Variants in KCNIP2 observed in about 807,000 individuals in gnomAD.
KCNIP2 encodes A-type potassium channel modulatory protein KCNIP2.
In KCNIP2, 19 loss-of-function variants were observed where a neutral mutation model predicts 39.0. That is an observed-to-expected ratio of 0.49 (90% CI 0.34 to 0.71). KCNIP2 has a LOEUF of 0.71. KCNIP2 is among the 30% of genes least tolerant of loss of function. KCNIP2 has a pLI of 0.01. For synonymous variants in KCNIP2, 111 were observed against 131.2 expected (o/e 0.85, Z 1.05); for missense variants, 261 against 346.0 (o/e 0.75, Z 1.95).
intron 1 of KCNIP2, among the ~76,000 whole-genome samples, chr10:101,840,060 G>T (rs1019729813): frequency 2.7e-5 from 4 of 149,224 alleles, no homozygotes; most frequent in Non-Finnish European, 6.0e-5. Context: ...TCCTGGACGG[G>T]GGGGGGGGGT....
chr10:101,827,657 G>A (rs773791083), intron 9 of KCNIP2, 32 bp downstream of exon 9: 8 of 1,612,556 alleles, frequency 5.0e-6, no homozygotes, highest in African/African-American at 2.7e-5. Flanking sequence ...CTGAGTCCAG[G>A]TCAGGGTAAT....
intron 1 of KCNIP2, among the ~76,000 whole-genome samples, chr10:101,840,178 G>A (rs572745533): frequency 2.2e-4 from 34 of 152,212 alleles, no homozygotes; most frequent in Non-Finnish European, 3.2e-4. Flanking sequence ...GCTGGATGGG[G>A]AATGAACCGT....
At chr10:101,831,203 C>G in intron 1 of KCNIP2, 36 bp from the exon 2 acceptor site, 3 of 1,446,926 alleles carry the variant, frequency 2.1e-6, no homozygotes, top group Non-Finnish European at 2.8e-6. Flanking sequence ...GGCACATTAA[C>G]TCCCATTGTC....
intron 2 of KCNIP2, 75 bp downstream of exon 2, chr10:101,830,997 A>ACGCGCACACACTCATGCACAGACACG: frequency 7.7e-7 from 1 of 1,306,368 alleles, no homozygotes. Flanking sequence ...CCTGGGGCAC[A>ACGCGCACACACTCATGCACAGACACG]CGCGCACACA....
intron 1 of KCNIP2, among the ~76,000 whole-genome samples, chr10:101,840,171 G>C (rs1233047254): frequency 2.0e-5 from 3 of 152,072 alleles, no homozygotes. Flanking sequence ...GAAAAGAGCT[G>C]GATGGGGAAT....
chr10:101,839,892 T>C (rs2066273463), intron 1 of KCNIP2: 2 of 1,519,384 alleles, frequency 1.3e-6, no homozygotes, highest in South Asian at 1.3e-5. Flanking sequence ...CCCGGGGCGG[T>C]CCGGTCTCCG....
At chr10:101,842,242 C>T (rs2066357330) in intron 1 of KCNIP2, among the ~76,000 whole-genome samples, 2 of 152,222 alleles carry the variant, frequency 1.3e-5, no homozygotes, top group African/African-American at 2.4e-5. Context: ...GACACAAACA[C>T]ATACATGGAA....
In KCNIP2 at chr10:101,829,204, G is replaced by A. The variant is rs1256494428; in HGVS notation, c.224-5C>T. 1.2e-6 allele frequency: 2 copies of A among 1,610,854 alleles called. No homozygotes were observed. Among genetic ancestry groups the A allele is most frequent in the Non-Finnish European group, 1.7e-6 (2 of 1,178,310 alleles). On this transcript the variant is annotated splice_region_variant and splice_polypyrimidine_tract_variant and intron_variant, in intron 3 of 9. Coordinates refer to ENST00000356640, the MANE Select transcript of KCNIP2 (RefSeq NM_173191.3). The stretch of plus-strand genomic sequence containing the variant: ...CAAATTCATCGTCCACGCTGTCTGC[G>A]GGAGCGGTGAGGACAGCCGCGCCTC...
intron 1 of KCNIP2, among the ~76,000 whole-genome samples, chr10:101,840,834 C>T (rs1479907696): frequency 1.3e-5 from 2 of 152,166 alleles, no homozygotes; most frequent in Non-Finnish European, 2.9e-5. Context: ...TGGCTCCTCG[C>T]AGCCACACGG....
At chr10:101,832,296 CTGTGTGTGTGTGTGTGTGTGTGTG>C (rs57005983) in intron 1 of KCNIP2, among the ~76,000 whole-genome samples, 2 of 139,976 alleles carry the variant, frequency 1.4e-5, no homozygotes, top group African/African-American at 2.7e-5. Context: ...CTCAGTGTTA[CTGTGTGTGTGTGTGTGTGTGTGTG>C]TGTGTGTGTG....
chr10:101,834,695 CCTGTGGCTACT>C (rs1342135920), intron 1 of KCNIP2, among the ~76,000 whole-genome samples: 3 of 152,192 alleles, frequency 2.0e-5, no homozygotes, highest in Non-Finnish European at 4.4e-5. Flanking sequence ...CCCTAGACAT[CCTGTGGCTACT>C]CTGTGCCAAA....
At position 101,827,929 on chromosome 10, in the gene KCNIP2, C is replaced by T. The variant is rs149050202; in HGVS notation, c.662G>A (p.Arg221Gln). The T allele has an allele frequency of 1.3e-4, 215 of 1,613,952 alleles. No homozygotes were observed. Among genetic ancestry groups the T allele is most frequent in the Non-Finnish European group, 1.7e-4 (196 of 1,179,956 alleles). Residue 221 changes from arginine (R) to glutamine (Q), a missense_variant, in exon 8 of 10, where the codon CGG becomes CAG. Coordinates refer to ENST00000356640, the MANE Select transcript of KCNIP2 (RefSeq NM_173191.3). ...MMGKYTYPAL[R>Q]EEAPREHVES... ...CACGTGTTCCCTTGGGGCCTCCTCC[C>T]GGAGTGCAGGGTACGTGTACTTGCC...
chr10:101,843,517 C>T lies in KCNIP2; in HGVS notation c.52G>A (p.Gly18Ser). 2 of 1,580,634 alleles carry T rather than the reference C, an allele frequency of 1.3e-6. No homozygotes were observed. The highest frequency in any genetic ancestry group is 1.7e-6 in the Non-Finnish European group (2 of 1,164,804). Residue 18 changes from glycine to serine, a missense_variant, in exon 1 of 10, where the codon GGC (glycine) becomes AGC (serine). Transcript: ENST00000356640. The surrounding 1 kb of genome is among the most constrained non-coding windows in gnomAD (Gnocchi z 6.7). Reference sequence around the variant, plus strand: ...TCACCCGTGAGCTGGTCGTAGGAGCCGTCCAGGTCTCGGGAATCGGACAAA... The same window carrying T: ...TCACCCGTGAGCTGGTCGTAGGAGCTGTCCAGGTCTCGGGAATCGGACAAA... ...ESLSDSRDLD[G>S]SYDQLTGHPP...
chr10:101,841,728 C>T (rs1194179257), intron 1 of KCNIP2, among the ~76,000 whole-genome samples: 2 of 152,202 alleles, frequency 1.3e-5, no homozygotes, highest in Non-Finnish European at 2.9e-5. Context: ...CAGGGCATCT[C>T]CAAATACAAA....
intron 1 of KCNIP2, among the ~76,000 whole-genome samples, chr10:101,837,111 A>G (rs181108376): frequency 7.9e-5 from 12 of 152,324 alleles, no homozygotes; most frequent in Admixed American, 5.2e-4. Flanking sequence ...ACCCCATCTC[A>G]AAATAAACAA....
Position 101,843,671 on chromosome 10 carries a change from G to A in KCNIP2, c.-103C>T, listed in dbSNP as rs1245560567. 1 of 567,430 alleles carries A rather than the reference G, an allele frequency of 1.8e-6. No individual in the cohort carries two copies. Among genetic ancestry groups the A allele is most frequent in the African/African-American group, 2.0e-5 (1 of 50,136 alleles). The allele number at this position is 567,430 out of a possible 1,614,324, so 35.1% of individuals were successfully genotyped here. A position where few individuals can be genotyped will look rare whatever the true frequency, so the allele number is the denominator to read the frequency against. ...CCCTGGCGGCCTACTGTGCTGTCGGGGCTGGGGAAGTCCGGGCTGAGGCTG... is the reference window on the plus strand; with the variant it reads ...CCCTGGCGGCCTACTGTGCTGTCGGAGCTGGGGAAGTCCGGGCTGAGGCTG... On this transcript the variant is annotated 5_prime_UTR_variant, in exon 1 of 10. Transcript: ENST00000356640. This position sits in a 1 kb window ranked among gnomAD's most constrained non-coding sequence, Gnocchi z 6.7.
intron 3 of KCNIP2, chr10:101,829,533 G>T: frequency 2.1e-6 from 1 of 486,056 alleles, no homozygotes; most frequent in Non-Finnish European, 3.6e-6. Flanking sequence ...GCCAGTTCAA[G>T]AGGGGGCGTC....
chr10:101,827,537 G>T, intron 9 of KCNIP2, 137 bp from the exon 10 acceptor site: 1 of 1,273,058 alleles, frequency 7.9e-7, no homozygotes, highest in Non-Finnish European at 1.1e-6. Context: ...AGAGACCTGA[G>T]GTAGGGAAGG....
At position 101,828,249 on chromosome 10, in the gene KCNIP2, C is replaced by A; in HGVS notation, c.499G>T (p.Ala167Ser). ...CCCCGAAGAATCACGGACAAACCAG[C>A]CACAAAGTCCTGGGAAGGAGGCAGG... ...DGSVSFEDFVAGLSVILRGTV... is the reference protein window; with the variant it reads ...DGSVSFEDFVSGLSVILRGTV... Residue 167 changes from alanine (A) to serine (S), a missense_variant, in exon 7 of 10, where the codon GCT (alanine) becomes TCT (serine). Ala to Ser is a moderately conservative substitution (Grantham distance 99, BLOSUM62 1). Transcript: ENST00000356640. The surrounding 1 kb of genome is among the most constrained non-coding windows in gnomAD (Gnocchi z 6.6). The A allele has an allele frequency of 6.2e-7, 1 of 1,614,120 alleles. No homozygotes were observed. The highest frequency in any genetic ancestry group is 8.5e-7 in the Non-Finnish European group (1 of 1,179,998).
Sources: gnomAD v4.1 joint callset for allele counts (sites outside exome capture counted in the v4.1 genomes callset) on GRCh38, gnomAD v4.1.1 for gene constraint, Gnocchi (gnomAD v3.1) non-coding constraint, MANE v1.5 for transcripts, NCBI Gene and HGNC (gene_info 2026-07-23, HGNC 2026-07-21) for gene names.